Variants in SNTG1 observed in about 807,000 individuals in gnomAD.
SNTG1 encodes gamma-1-syntrophin.
SNTG1 carries 39 observed loss-of-function variants against 74.7 expected under a neutral mutation model. The ratio of observed to expected loss-of-function variants is 0.52; its 90% CI spans 0.40 to 0.68. The LOEUF (loss-of-function observed/expected upper bound fraction) is 0.68, where lower values mean the gene tolerates loss of function less well. Ranked by LOEUF, SNTG1 falls within the 30% of genes least tolerant of loss-of-function variation. SNTG1 has a pLI of 0.00. For missense variants in SNTG1, 685 were observed against 609.5 expected (o/e 1.12, Z -1.30); for synonymous variants, 254 against 217.1 (o/e 1.17, Z -1.49).
At chr8:50,408,767 C>T (rs544393727) in intron 4 of SNTG1, among the ~76,000 whole-genome samples, 9 of 152,294 alleles carry the variant, frequency 5.9e-5, no homozygotes, top group African/African-American at 2.2e-4. Context: ...GCTCCTTGCT[C>T]TGAATTCCTG....
chr8:50,350,139 T>C (rs1563928845), intron 2 of SNTG1, among the ~76,000 whole-genome samples: 1 of 152,102 alleles, frequency 6.6e-6, no homozygotes. Context: ...CGCTGGTCCT[T>C]AGCTGCCTCC....
chr8:49,983,979 C>T (rs1812922334), intron 1 of SNTG1, among the ~76,000 whole-genome samples: 1 of 152,130 alleles, frequency 6.6e-6, no homozygotes, highest in South Asian at 2.1e-4. Flanking sequence ...AGGCACAATT[C>T]TGCCTTGTTC....
chr8:50,143,059 G>A (rs937764934), intron 1 of SNTG1, among the ~76,000 whole-genome samples: 10 of 151,908 alleles, frequency 6.6e-5, no homozygotes, highest in Non-Finnish European at 1.2e-4. Flanking sequence ...GGGGGCCAGA[G>A]CAAGACTCCA....
At chr8:50,238,163 A>C (rs2086000538) in intron 2 of SNTG1, among the ~76,000 whole-genome samples, 2 of 152,292 alleles carry the variant, frequency 1.3e-5, no homozygotes, top group East Asian at 3.9e-4. Flanking sequence ...TATGAAACTC[A>C]AAATGAACCC....
At chr8:50,463,371 C>T (rs2093583592) in intron 8 of SNTG1, among the ~76,000 whole-genome samples, 1 of 152,126 alleles carries the variant, frequency 6.6e-6, no homozygotes, top group Non-Finnish European at 1.5e-5. Flanking sequence ...ATTTTTGGAG[C>T]TATCACCTTA....
At chr8:50,749,841 C>T (rs553791595) in intron 17 of SNTG1, among the ~76,000 whole-genome samples, 15 of 151,928 alleles carry the variant, frequency 9.9e-5, no homozygotes, top group Admixed American at 2.0e-4. Flanking sequence ...CCAAATTATC[C>T]AAGAACTCTG....
At chr8:50,069,738 C>T (rs1821203501) in intron 1 of SNTG1, among the ~76,000 whole-genome samples, 2 of 151,540 alleles carry the variant, frequency 1.3e-5, no homozygotes, top group African/African-American at 4.9e-5. Flanking sequence ...ATGTTGAATC[C>T]CTGGTGTGGA....
intron 17 of SNTG1, among the ~76,000 whole-genome samples, chr8:50,722,789 G>T (rs189839287): frequency 6.6e-6 from 1 of 151,920 alleles, no homozygotes; most frequent in Non-Finnish European, 1.5e-5. Context: ...CAGGTTTTGC[G>T]TATGGGAAAT....
Position 50,620,998 on chromosome 8 carries a change from T to A in SNTG1, c.849+30081T>A, listed in dbSNP as rs561242090. Among the ~76,000 whole-genome samples, 21 of 151,756 alleles carry A rather than the reference T, an allele frequency of 1.4e-4. No homozygotes were observed. In the South Asian group the frequency reaches 4.4e-3, roughly 32 times the overall value. ...AGAATTTGCCATCAGAGCAAGGGGG[T>A]TGGAGGCAATTAACTGAAACAGAAA... On this transcript the variant is annotated intron_variant, in intron 13 of 18. Coordinates refer to ENST00000642720, the MANE Select transcript of SNTG1 (RefSeq NM_018967.5).
At chr8:50,404,306 A>G (rs1301172431) in intron 4 of SNTG1, among the ~76,000 whole-genome samples, 2 of 152,166 alleles carry the variant, frequency 1.3e-5, no homozygotes, top group African/African-American at 2.4e-5. Flanking sequence ...GAAATACAAC[A>G]TGATCATAAA....
chr8:50,275,352 T>C (rs1424686270), intron 2 of SNTG1, among the ~76,000 whole-genome samples: 1 of 152,216 alleles, frequency 6.6e-6, no homozygotes, highest in Non-Finnish European at 1.5e-5. Context: ...ATTTGTTCTT[T>C]GTTATTTTTT....
intron 1 of SNTG1, among the ~76,000 whole-genome samples, chr8:49,936,446 C>G (rs1176091332): frequency 6.6e-6 from 1 of 152,030 alleles, no homozygotes; most frequent in Non-Finnish European, 1.5e-5. Context: ...GGAAGTATCA[C>G]TCACGTTTGG....
At chr8:50,144,191 A>G (rs1041799704) in intron 1 of SNTG1, among the ~76,000 whole-genome samples, 1 of 152,248 alleles carries the variant, frequency 6.6e-6, no homozygotes, top group African/African-American at 2.4e-5. Context: ...GATATGCTAT[A>G]CGAAACCATC....
chr8:50,127,535 G>A (rs1586389661), intron 1 of SNTG1, among the ~76,000 whole-genome samples: 1 of 152,196 alleles, frequency 6.6e-6, no homozygotes, highest in Non-Finnish European at 1.5e-5. Flanking sequence ...TCTTGGAGCT[G>A]GAATCCTTTT....
At chr8:50,254,491 T>C (rs912129517) in intron 2 of SNTG1, among the ~76,000 whole-genome samples, 1 of 152,184 alleles carries the variant, frequency 6.6e-6, no homozygotes, top group South Asian at 2.1e-4. Flanking sequence ...TTTCTTCTAC[T>C]TGAGTCTCAA....
chr8:50,010,674 A>C (rs1039318478), intron 1 of SNTG1, among the ~76,000 whole-genome samples: 3 of 152,082 alleles, frequency 2.0e-5, no homozygotes, highest in Non-Finnish European at 4.4e-5. Flanking sequence ...GATTAAAAAA[A>C]AATTCTTACT....
At chr8:50,635,376 G>A (rs923753017) in intron 13 of SNTG1, among the ~76,000 whole-genome samples, 42 of 152,126 alleles carry the variant, frequency 2.8e-4, no homozygotes, top group African/African-American at 8.0e-4. Flanking sequence ...TCCCTTAGGG[G>A]CAGTGAGTTT....
intron 1 of SNTG1, among the ~76,000 whole-genome samples, chr8:49,997,816 A>T (rs772587579): frequency 4.2e-4 from 64 of 152,064 alleles, no homozygotes; most frequent in Non-Finnish European, 7.6e-4. Context: ...CTATTGTTTC[A>T]TCTGGTTTCA....
intron 15 of SNTG1, among the ~76,000 whole-genome samples, chr8:50,687,047 A>G (rs2095355376): frequency 6.6e-6 from 1 of 151,330 alleles, no homozygotes; most frequent in African/African-American, 2.4e-5. Flanking sequence ...AGGCAGGAGA[A>G]TGGCGTGAAC....
Sources: allele counts gnomAD v4.1 joint callset (sites outside exome capture counted in the v4.1 genomes callset), GRCh38; gene constraint gnomAD v4.1.1; transcripts MANE v1.5; gene names NCBI Gene and HGNC (gene_info 2026-07-23, HGNC 2026-07-21).